Variants in SPOCK1 observed in about 807,000 individuals in gnomAD.
SPOCK1 encodes the protein SPARC (osteonectin), cwcv and kazal like domains proteoglycan 1.
SPOCK1 carries 23 observed loss-of-function variants against 55.3 expected under a neutral mutation model. That is an observed-to-expected ratio of 0.42 (90% confidence interval 0.30 to 0.59). The LOEUF is 0.59. Ranked by LOEUF, SPOCK1 falls within the 20% of genes least tolerant of loss-of-function variation. The pLI is 0.22. For missense variants in SPOCK1, 499 were observed against 552.5 expected, an observed-to-expected ratio of 0.90 and a Z score of 0.97; for synonymous variants, 226 against 221.0, an observed-to-expected ratio of 1.02 and a Z score of -0.20.
intron 2 of SPOCK1, among the ~76,000 whole-genome samples, chr5:137,459,210 ATT>A (rs1753429118): frequency 6.6e-6 from 1 of 152,114 alleles, no homozygotes; most frequent in South Asian, 2.1e-4. Flanking sequence ...CTATTATTGA[ATT>A]CAAGAGCAGG....
At chr5:137,193,218 A>G (rs1440654869) in intron 3 of SPOCK1, among the ~76,000 whole-genome samples, 1 of 152,102 alleles carries the variant, frequency 6.6e-6, no homozygotes, top group East Asian at 1.9e-4. Flanking sequence ...AGGAGATCCT[A>G]AGAGGTAGAG....
At chr5:137,404,586 TTTTTTGTA>T (rs1001269017) in intron 2 of SPOCK1, among the ~76,000 whole-genome samples, 1 of 150,982 alleles carries the variant, frequency 6.6e-6, no homozygotes, top group African/African-American at 2.4e-5. Context: ...TTTTTTTTTT[TTTTTTGTA>T]TTTTTAGTAG....
intron 4 of SPOCK1, among the ~76,000 whole-genome samples, chr5:137,130,832 A>G (rs867278423): frequency 6.6e-6 from 1 of 152,220 alleles, no homozygotes; most frequent in Non-Finnish European, 1.5e-5. Flanking sequence ...ATTGGGTTCA[A>G]TGTATGCCCA....
chr5:137,084,142 C>T (rs1467999372), intron 5 of SPOCK1, among the ~76,000 whole-genome samples: 1 of 152,226 alleles, frequency 6.6e-6, no homozygotes, highest in East Asian at 1.9e-4. Flanking sequence ...GCCCCACCTC[C>T]ACCCCATGCA....
At chr5:137,186,340 G>T (rs879555016) in intron 3 of SPOCK1, among the ~76,000 whole-genome samples, 1 of 152,180 alleles carries the variant, frequency 6.6e-6, no homozygotes, top group Non-Finnish European at 1.5e-5. Context: ...GCATAGGCCC[G>T]TTTGGGGTAT....
chr5:137,279,295 A>G (rs915468898), intron 2 of SPOCK1, among the ~76,000 whole-genome samples: 2 of 152,246 alleles, frequency 1.3e-5, no homozygotes, highest in Admixed American at 6.5e-5. Flanking sequence ...AGAAGTAACA[A>G]GAAAGGTAAC....
chr5:137,282,163 C>G (rs1757177113), intron 2 of SPOCK1, among the ~76,000 whole-genome samples: 1 of 152,160 alleles, frequency 6.6e-6, no homozygotes, highest in Non-Finnish European at 1.5e-5. Flanking sequence ...TTGTAGTTGA[C>G]CCCAGTATAT....
chr5:136,983,806 C>T (rs909357778), intron 9 of SPOCK1, among the ~76,000 whole-genome samples: 1 of 152,294 alleles, frequency 6.6e-6, no homozygotes, highest in African/African-American at 2.4e-5. Context: ...CTGGAGTAAT[C>T]TCCATATGTG....
At chr5:137,429,101 CCCTG>C (rs1310754978) in intron 2 of SPOCK1, among the ~76,000 whole-genome samples, 1 of 152,182 alleles carries the variant, frequency 6.6e-6, no homozygotes, top group Non-Finnish European at 1.5e-5. Flanking sequence ...AGGATCTGGG[CCCTG>C]CCTACTTTTC....
chr5:137,473,118 G>T (rs1298637995), intron 2 of SPOCK1, among the ~76,000 whole-genome samples: 1 of 152,146 alleles, frequency 6.6e-6, no homozygotes, highest in Non-Finnish European at 1.5e-5. Flanking sequence ...TACCCCCAAA[G>T]ATATACGTCT....
intron 5 of SPOCK1, among the ~76,000 whole-genome samples, chr5:137,103,843 A>G (rs912487290): frequency 1.3e-5 from 2 of 152,246 alleles, no homozygotes; most frequent in Non-Finnish European, 2.9e-5. Flanking sequence ...TTTTCACATA[A>G]TGTAAACTAG....
At chr5:137,099,501 C>T (rs1216729445) in intron 5 of SPOCK1, among the ~76,000 whole-genome samples, 3 of 151,942 alleles carry the variant, frequency 2.0e-5, no homozygotes, top group Non-Finnish European at 1.5e-5. Flanking sequence ...CTCTCTCTAA[C>T]CAGAGTCCAA....
intron 4 of SPOCK1, among the ~76,000 whole-genome samples, chr5:137,119,314 C>T (rs936460666): frequency 6.6e-6 from 1 of 152,194 alleles, no homozygotes; most frequent in African/African-American, 2.4e-5. Flanking sequence ...AACATAGTGG[C>T]TATTTTGAAC....
At chr5:137,396,354 C>T (rs974991750) in intron 2 of SPOCK1, among the ~76,000 whole-genome samples, 5 of 152,208 alleles carry the variant, frequency 3.3e-5, no homozygotes, top group African/African-American at 4.8e-5. Context: ...GGAAAATATA[C>T]ATATATTTTT....
chr5:137,341,347 C>T (rs370922120), intron 2 of SPOCK1, among the ~76,000 whole-genome samples: 1 of 152,232 alleles, frequency 6.6e-6, no homozygotes, highest in African/African-American at 2.4e-5. Context: ...AGAGACTTTA[C>T]TCTTCATAAG....
intron 5 of SPOCK1, among the ~76,000 whole-genome samples, chr5:137,078,781 A>G (rs1312583916): frequency 1.3e-5 from 2 of 152,122 alleles, no homozygotes; most frequent in Admixed American, 6.5e-5. Context: ...CCCAAAGCCC[A>G]CATTCATTCT....
chr5:137,442,568 C>T (rs918242453), intron 2 of SPOCK1, among the ~76,000 whole-genome samples: 4 of 152,152 alleles, frequency 2.6e-5, no homozygotes, highest in Non-Finnish European at 5.9e-5. Flanking sequence ...GTAGGTGCTC[C>T]ATAAATGTCA....
intron 2 of SPOCK1, among the ~76,000 whole-genome samples, chr5:137,356,826 T>TAGAGAGAGAGAGAG (rs1750819003): frequency 5.2e-5 from 1 of 19,338 alleles, no homozygotes; most frequent in South Asian, 2.7e-3. Context: ...TATATATATA[T>TAGAGAGAGAGAGAG]ATATATATAT....
intron 3 of SPOCK1, among the ~76,000 whole-genome samples, chr5:137,182,575 C>T (rs1754990768): frequency 6.6e-6 from 1 of 152,186 alleles, no homozygotes; most frequent in African/African-American, 2.4e-5. Context: ...ACATTCCTGA[C>T]TGGATTTCGG....
Sources: gnomAD v4.1 joint callset for allele counts (sites outside exome capture counted in the v4.1 genomes callset) on GRCh38, gnomAD v4.1.1 for gene constraint, MANE v1.5 for transcripts, NCBI Gene and HGNC (gene_info 2026-07-23, HGNC 2026-07-21) for gene names.